ARID1B: variants seen among roughly 807,000 people sequenced by gnomAD.
The protein encoded by ARID1B is AT-rich interactive domain-containing protein 1B.
Under a neutral mutation model 212.3 loss-of-function variants are expected in ARID1B, and 30 were observed. The ratio of observed to expected loss-of-function variants is 0.14; its 90% CI spans 0.11 to 0.19. The LOEUF (loss-of-function observed/expected upper bound fraction) is 0.19, where lower values mean the gene tolerates loss of function less well. Ranked by LOEUF, ARID1B falls within the 10% of genes least tolerant of loss-of-function variation. The pLI, the probability that ARID1B is intolerant of heterozygous loss-of-function variation, is 1.00. For missense variants in ARID1B, 2,891 were observed against 3,204.0 expected (o/e 0.90, Z 2.36); for synonymous variants, 1,402 against 1,301.7 (o/e 1.08, Z -1.66).
At chr6:156,872,800 G>A (rs1274855057) in intron 2 of ARID1B, among the ~76,000 whole-genome samples, 1 of 148,642 alleles carries the variant, frequency 6.7e-6, no homozygotes, top group Non-Finnish European at 1.5e-5. Context: ...CTGTGGAGTG[G>A]ATGTTGTTCG....
chr6:156,901,342 A>T lies in ARID1B; in HGVS notation c.1987-34A>T, dbSNP rs376715225. The stretch of plus-strand genomic sequence containing the variant: ...TGATTTCATTTAATTGCACATTTTG[A>T]CTTTCTCATTTGCTTTGCTTGACTT... On this transcript the variant is annotated intron_variant, in intron 2 of 19. Coordinates refer to ENST00000636930, the MANE Select transcript of ARID1B (RefSeq NM_001374828.1). 52 of 1,613,586 alleles carry T rather than the reference A, an allele frequency of 3.2e-5. No homozygotes were observed. The African/African-American group carries it at 4.9e-4, about 15-fold the overall frequency.
Position 156,779,337 on chromosome 6 carries a change from G to T in ARID1B, c.1657G>T (p.Ala553Ser), listed in dbSNP as rs960728816. The change falls in exon 1 of 20, where the codon GCC becomes TCC. Residue 553 changes from alanine (A) to serine (S), a missense_variant. Coordinates refer to ENST00000636930, the MANE Select transcript of ARID1B (RefSeq NM_001374828.1). The stretch of plus-strand genomic sequence containing the variant: ...GGCGGCGGCGGGCGGCCAGCAGGCG[G>T]CCGCGGGCATGGGCTTGGGCAAGGA... ...AGAAAGGQQA[A>S]AGMGLGKDMG... 1.8e-5 allele frequency: 21 copies of T among 1,150,512 alleles called. No individual in the cohort carries two copies. The highest frequency in any genetic ancestry group is 7.1e-4 in the Middle Eastern group (2 of 2,810). The allele number at this position is 1,150,512 out of a possible 1,614,324, so 71.3% of individuals were successfully genotyped here. A position where few individuals can be genotyped will look rare whatever the true frequency, so the allele number is the denominator to read the frequency against.
intron 4 of ARID1B, among the ~76,000 whole-genome samples, chr6:157,045,047 G>T (rs1320813192): frequency 6.6e-6 from 1 of 152,188 alleles, no homozygotes; most frequent in African/African-American, 2.4e-5. Context: ...GATTTGAAAA[G>T]ATAGTAGAAA....
chr6:157,051,975 A>G (rs1319030110), intron 4 of ARID1B, among the ~76,000 whole-genome samples: 2 of 152,162 alleles, frequency 1.3e-5, no homozygotes, highest in Non-Finnish European at 1.5e-5. Flanking sequence ...AGTTTTGTCA[A>G]TTTAATTAAT....
At chr6:157,062,808 A>G (rs996331841) in intron 4 of ARID1B, among the ~76,000 whole-genome samples, 3 of 150,682 alleles carry the variant, frequency 2.0e-5, no homozygotes, top group South Asian at 2.1e-4. Flanking sequence ...GGTTCAAGCT[A>G]TTCTCCTGCC....
intron 1 of ARID1B, among the ~76,000 whole-genome samples, chr6:156,813,440 C>A (rs2127992629): frequency 6.6e-6 from 1 of 152,202 alleles, no homozygotes; most frequent in Admixed American, 6.5e-5. Context: ...TTAACCGGAC[C>A]CTCCTTGTAA....
chr6:156,806,291 C>G (rs73572253), intron 1 of ARID1B, among the ~76,000 whole-genome samples: 13,450 of 152,152 alleles, frequency 0.088, 827 homozygotes, highest in African/African-American at 0.17. Context: ...TTGGAAGGTT[C>G]TTTTAGTTTC....
chr6:157,198,283 T>A (rs1249191984), intron 16 of ARID1B, among the ~76,000 whole-genome samples: 1 of 152,214 alleles, frequency 6.6e-6, no homozygotes, highest in East Asian at 1.9e-4. Flanking sequence ...TAGCTAACAT[T>A]TGAATTAAAT....
intron 3 of ARID1B, among the ~76,000 whole-genome samples, chr6:156,934,961 T>TATATATATAG (rs1235681331): frequency 5.5e-5 from 5 of 90,440 alleles, no homozygotes; most frequent in African/African-American, 2.2e-4. Flanking sequence ...TATATATATA[T>TATATATATAG]AGTTTATATT....
intron 4 of ARID1B, among the ~76,000 whole-genome samples, chr6:157,040,435 TCGC>T (rs1464635670): frequency 6.6e-6 from 1 of 152,228 alleles, no homozygotes; most frequent in Non-Finnish European, 1.5e-5. Flanking sequence ...CCTGTGTATG[TCGC>T]CGCTCCTTTT....
chr6:157,204,686 G>C (rs1203587446), intron 19 of ARID1B: 1 of 152,210 alleles, frequency 6.6e-6, no homozygotes, highest in Non-Finnish European at 1.5e-5. Context: ...GCTTCAGGTA[G>C]CTTCCAGCAT....
intron 4 of ARID1B, among the ~76,000 whole-genome samples, chr6:156,990,486 C>CA (rs1344896605): frequency 6.6e-6 from 1 of 151,944 alleles, no homozygotes; most frequent in Non-Finnish European, 1.5e-5. Flanking sequence ...ACTAAAAATA[C>CA]AAAAATTAGC....
intron 4 of ARID1B, chr6:156,935,858 A>G (rs985936959): frequency 1.8e-5 from 6 of 335,666 alleles, no homozygotes; most frequent in South Asian, 1.4e-4. Flanking sequence ...GCTGTTGTAC[A>G]GTTGAGCTTT....
chr6:156,946,121 C>T (rs1562502554), intron 4 of ARID1B, among the ~76,000 whole-genome samples: 3 of 151,444 alleles, frequency 2.0e-5, no homozygotes. Flanking sequence ...CTTCAGGAGG[C>T]CAAGGCGGGC....
chr6:157,208,372 A>G lies in ARID1B; in HGVS notation c.*481A>G, dbSNP rs1164728748. The G allele has an allele frequency of 4.3e-6, 1 of 233,606 alleles. No individual in the cohort carries two copies. Among genetic ancestry groups the G allele is most frequent in the Non-Finnish European group, 8.5e-6 (1 of 118,098 alleles). 14.5% of individuals were successfully genotyped at this position (233,606 alleles called of 1,614,324 possible). ...TGAAAAAAACTGCATCCCATCACCC[A>G]AAGTTCTGTGCAATAGAAATTTCTA... On this transcript the variant is annotated 3_prime_UTR_variant, in exon 20 of 20. Coordinates refer to ENST00000636930, the MANE Select transcript of ARID1B (RefSeq NM_001374828.1).
chr6:156,928,117 G>GT (rs1459806666), intron 3 of ARID1B, among the ~76,000 whole-genome samples: 1 of 152,194 alleles, frequency 6.6e-6, no homozygotes, highest in Non-Finnish European at 1.5e-5. Flanking sequence ...GTGAAGTACG[G>GT]TTTTGCCCCA....
chr6:157,104,418 A>G (rs1404364688), intron 5 of ARID1B, among the ~76,000 whole-genome samples: 1 of 152,242 alleles, frequency 6.6e-6, no homozygotes, highest in Non-Finnish European at 1.5e-5. Context: ...TAGGCAAGAG[A>G]ACTCAATTAA....
At chr6:156,910,195 G>T (rs1042869755) in intron 3 of ARID1B, among the ~76,000 whole-genome samples, 1 of 152,168 alleles carries the variant, frequency 6.6e-6, no homozygotes, top group African/African-American at 2.4e-5. Context: ...GGTCTCTGGG[G>T]CTGTTCTAAA....
intron 2 of ARID1B, among the ~76,000 whole-genome samples, chr6:156,852,290 A>C (rs1047451281): frequency 4.0e-5 from 6 of 151,808 alleles, no homozygotes; most frequent in African/African-American, 1.5e-4. Context: ...GTACAGAAAA[A>C]ATTTTTAAAA....
Sources: gnomAD v4.1 joint callset for allele counts (sites outside exome capture counted in the v4.1 genomes callset) on GRCh38, gnomAD v4.1.1 for gene constraint, MANE v1.5 for transcripts, NCBI Gene and HGNC (gene_info 2026-07-23, HGNC 2026-07-21) for gene names.